The following EFCAB6 variants were observed in gnomAD, a reference collection of about 807,000 sequenced individuals.
EFCAB6 encodes EF-hand calcium-binding domain-containing protein 6.
Under a neutral mutation model 169.8 loss-of-function variants are expected in EFCAB6, and 156 were observed. The observed-to-expected ratio is 0.92, with a 90% CI of 0.81 to 1.05. The LOEUF (loss-of-function observed/expected upper bound fraction) is 1.05, where lower values mean the gene tolerates loss of function less well. Ranked by LOEUF, EFCAB6 falls within the 50% of genes least tolerant of loss-of-function variation. EFCAB6 has a pLI of 0.00. For missense variants in EFCAB6, 1,800 were observed against 1,829.1 expected, an observed-to-expected ratio of 0.98 and a Z score of 0.29; for synonymous variants, 698 against 676.4, an observed-to-expected ratio of 1.03 and a Z score of -0.50.
intron 26 of EFCAB6, among the ~76,000 whole-genome samples, chr22:43,561,254 G>T (rs758553250): frequency 4.6e-5 from 7 of 151,884 alleles, no homozygotes; most frequent in Non-Finnish European, 7.4e-5. Flanking sequence ...CTACTCAGGG[G>T]GCTGAGGCAG....
At chr22:43,667,067 C>T (rs2057295311) in intron 17 of EFCAB6, 37 bp downstream of exon 17, 1 of 1,594,474 alleles carries the variant, frequency 6.3e-7, no homozygotes. Flanking sequence ...AGCTGAACTT[C>T]TGCAGGATAG....
intron 28 of EFCAB6, among the ~76,000 whole-genome samples, chr22:43,538,397 T>TTGTTTTTG (rs2047510276): frequency 6.6e-6 from 1 of 152,102 alleles, no homozygotes; most frequent in African/African-American, 2.4e-5. Context: ...TTTTGTTTTT[T>TTGTTTTTG]TTTTTGTTTT....
intron 17 of EFCAB6, among the ~76,000 whole-genome samples, chr22:43,635,432 G>A (rs1316184464): frequency 6.6e-6 from 1 of 152,138 alleles, no homozygotes; most frequent in Non-Finnish European, 1.5e-5. Context: ...TGAACGAAGG[G>A]ACAAGTGGCA....
At chr22:43,805,651 C>A (rs1047096269) in intron 2 of EFCAB6, among the ~76,000 whole-genome samples, 1 of 151,968 alleles carries the variant, frequency 6.6e-6, no homozygotes, top group African/African-American at 2.4e-5. Context: ...AGTAAGGTGA[C>A]TATAGATTAC....
intron 26 of EFCAB6, among the ~76,000 whole-genome samples, chr22:43,562,013 C>T (rs5764035): frequency 2.0e-5 from 3 of 152,316 alleles, no homozygotes; most frequent in African/African-American, 7.2e-5. Context: ...CCCAGCTTAT[C>T]TGGCAAAGAT....
chr22:43,587,384 A>C (rs1227782525), intron 24 of EFCAB6, among the ~76,000 whole-genome samples: 3 of 152,242 alleles, frequency 2.0e-5, no homozygotes, highest in Admixed American at 2.0e-4. Flanking sequence ...GGTGGCTTAA[A>C]GCAACACACA....
intron 27 of EFCAB6, among the ~76,000 whole-genome samples, chr22:43,550,001 G>A (rs2048293371): frequency 6.6e-6 from 1 of 152,172 alleles, no homozygotes; most frequent in Non-Finnish European, 1.5e-5. Context: ...AGGAATAAAA[G>A]GGAACTTTTA....
At chr22:43,684,156 T>C (rs2058103565) in intron 11 of EFCAB6, among the ~76,000 whole-genome samples, 1 of 152,142 alleles carries the variant, frequency 6.6e-6, no homozygotes. Flanking sequence ...AAAGGGACCA[T>C]GGACCAGTGC....
At chr22:43,746,293 G>T (rs1018132934) in intron 6 of EFCAB6, among the ~76,000 whole-genome samples, 2 of 152,072 alleles carry the variant, frequency 1.3e-5, no homozygotes, top group African/African-American at 4.8e-5. Flanking sequence ...AAAGCTTACT[G>T]AAAAAGATAT....
intron 6 of EFCAB6, among the ~76,000 whole-genome samples, chr22:43,751,273 T>A (rs2060751364): frequency 6.6e-6 from 1 of 152,250 alleles, no homozygotes. Flanking sequence ...GCTTTCTGTT[T>A]CTCAGTACTT....
rs781138426 is a variant in EFCAB6 at position 43,717,373 on chromosome 22, T to TA, written c.758-402dup. On this transcript the variant is annotated intron_variant, in intron 8 of 31. Coordinates refer to ENST00000262726, the MANE Select transcript of EFCAB6 (RefSeq NM_022785.4). ...ACATAAATACTTGATTTTTGTTTGG[T>TA]AAAAAAAAAAAAAGCCACAAGTTAA... Among the ~76,000 whole-genome samples, 938 of 128,836 alleles carry TA rather than the reference T, an allele frequency of 7.3e-3. 9 individuals carry two copies. The highest frequency in any genetic ancestry group is 0.011 in the African/African-American group (368 of 34,852). The allele number at this position is 128,836 out of a possible 152,430, so 84.5% of individuals were successfully genotyped here.
intron 24 of EFCAB6, among the ~76,000 whole-genome samples, chr22:43,584,439 C>T (rs150043834): frequency 6.6e-6 from 1 of 152,118 alleles, no homozygotes; most frequent in Non-Finnish European, 1.5e-5. Context: ...CGTACCTCCC[C>T]ACCCCCACCA....
At chr22:43,563,179 G>A (rs116835446) in intron 26 of EFCAB6, among the ~76,000 whole-genome samples, 2,669 of 152,192 alleles carry the variant, frequency 0.018, 82 homozygotes, top group African/African-American at 0.061. Context: ...TGGAAGAGGC[G>A]GGCTTGGGCC....
intron 21 of EFCAB6, among the ~76,000 whole-genome samples, chr22:43,608,977 G>A (rs1207947010): frequency 2.6e-5 from 4 of 152,096 alleles, no homozygotes; most frequent in Non-Finnish European, 5.9e-5. Flanking sequence ...CTGTAAGAGG[G>A]GAAATGAGGG....
intron 22 of EFCAB6, among the ~76,000 whole-genome samples, chr22:43,605,820 A>G (rs2052880849): frequency 6.6e-6 from 1 of 152,234 alleles, no homozygotes; most frequent in Admixed American, 6.5e-5. Flanking sequence ...CAAAAACAAT[A>G]GCAGTGAAGA....
At chr22:43,717,009 T>TC (rs756438044) in intron 8 of EFCAB6, 37 bp from the exon 9 acceptor site, 1 of 1,437,590 alleles carries the variant, frequency 7.0e-7, no homozygotes, top group East Asian at 2.6e-5. Flanking sequence ...ATCAACATTG[T>TC]CAAAGGTTAA....
intron 20 of EFCAB6, among the ~76,000 whole-genome samples, chr22:43,616,616 AT>A (rs137717): frequency 1 from 152,318 of 152,320 alleles, 76,158 homozygotes; most frequent in Middle Eastern, 1. Context: ...GTGAGCTGAG[AT>A]TCGTGCCATT....
intron 10 of EFCAB6, among the ~76,000 whole-genome samples, chr22:43,704,422 A>G (rs2058879652): frequency 6.6e-6 from 1 of 152,220 alleles, no homozygotes; most frequent in African/African-American, 2.4e-5. Context: ...AAAAGTTACA[A>G]AAACACAAAA....
At chr22:43,617,380 C>T (rs1312757531) in intron 20 of EFCAB6, among the ~76,000 whole-genome samples, 3 of 152,216 alleles carry the variant, frequency 2.0e-5, no homozygotes, top group Non-Finnish European at 4.4e-5. Flanking sequence ...GTCAGTAGAT[C>T]CCAGTTGATC....
Sources: allele counts gnomAD v4.1 joint callset (sites outside exome capture counted in the v4.1 genomes callset), GRCh38; gene constraint gnomAD v4.1.1; transcripts MANE v1.5; gene names NCBI Gene and HGNC (gene_info 2026-07-23, HGNC 2026-07-21).